The following ZNF778 variants were observed in gnomAD, a reference collection of about 807,000 sequenced individuals.
The protein encoded by ZNF778 is zinc finger protein 778.
ZNF778 carries 37 observed loss-of-function variants against 23.9 expected under a neutral mutation model. The observed-to-expected ratio is 1.54, with a 90% confidence interval of 1.19 to 2.03. ZNF778 has a LOEUF of 2.03. Ranked by LOEUF, ZNF778 falls within the 30% of genes most tolerant of loss-of-function variation. The probability of loss-of-function intolerance (pLI) is 0.00; values close to 1 mark genes in which losing one functional copy is unlikely to be tolerated. For synonymous variants in ZNF778, 483 were observed against 343.9 expected (o/e 1.40, Z -4.48); for missense variants, 1,297 against 934.4 (o/e 1.39, Z -5.06).
At position 89,227,431 on chromosome 16, in the gene ZNF778, T is replaced by A; in HGVS notation, c.1143T>A (p.Asn381Lys). ...CCTGCGGTGGGTTTTATCTACTGAA[T>A]GAGCATGGAAAAACTCACACGAGGG... ...GKACGGFYLL[N>K]EHGKTHTREK... The change falls in exon 7 of 7, where the codon AAT (asparagine) becomes AAA (lysine). Residue 381 changes from asparagine (N) to lysine (K), a missense_variant. Asn to Lys is a moderately conservative substitution (Grantham distance 94). Transcript: ENST00000433976. The A allele has an allele frequency of 3.1e-6, 5 of 1,613,914 alleles. No individual in the cohort carries two copies. Among genetic ancestry groups the A allele is most frequent in the Non-Finnish European group, 4.2e-6 (5 of 1,179,874 alleles).
Position 89,234,271 on chromosome 16 carries a change from C to G in ZNF778, c.*5709C>G, listed in dbSNP as rs761130836. 10 of 350,640 alleles carry G rather than the reference C, an allele frequency of 2.9e-5. No individual in the cohort carries two copies. The highest frequency in any genetic ancestry group is 4.5e-5 in the Non-Finnish European group (8 of 177,586). 21.7% of individuals were successfully genotyped at this position (350,640 alleles called of 1,614,324 possible). On this transcript the variant is annotated 3_prime_UTR_variant, in exon 7 of 7. Coordinates refer to ENST00000433976, the MANE Select transcript of ZNF778 (RefSeq NM_001201407.2). ...CAAGGTCTTACCCAGCCCAGGGATT[C>G]TTGAACTATCTGTAGGAACTGCCAT...
At chr16:89,224,038 G>A (rs934486248) in intron 4 of ZNF778, among the ~76,000 whole-genome samples, 3 of 151,786 alleles carry the variant, frequency 2.0e-5, no homozygotes, top group East Asian at 1.9e-4. Flanking sequence ...GAGGCCAGGC[G>A]CAGTGGCTTA....
rs201224322 is a variant in ZNF778 at position 89,228,374 on chromosome 16, A to C, written c.2086A>C (p.Thr696Pro). The C allele has an allele frequency of 1.2e-6, 2 of 1,613,642 alleles. No individual in the cohort carries two copies. The highest frequency in any genetic ancestry group is 1.7e-5 in the Admixed American group (1 of 59,926). ...SHLHKHGRIH[T>P]GQKPYKCKEC... Reference sequence around the variant, plus strand: ...CCTGCATAAACATGGAAGAATTCACACTGGGCAGAAACCCTATAAATGTAA... The same window carrying C: ...CCTGCATAAACATGGAAGAATTCACCCTGGGCAGAAACCCTATAAATGTAA... The change falls in exon 7 of 7, where the codon ACT (threonine) becomes CCT (proline). Residue 696 changes from threonine (T) to proline (P), a missense_variant. By Grantham distance (38) the Thr-to-Pro change is conservative. Transcript: ENST00000433976.
rs1489978083 is a variant in ZNF778 at position 89,229,143 on chromosome 16, A to C, written c.*581A>C. 8 of 986,012 alleles carry C rather than the reference A, an allele frequency of 8.1e-6. No homozygotes were observed. The highest frequency in any genetic ancestry group is 9.6e-6 in the Non-Finnish European group (8 of 830,500). 61.1% of individuals were successfully genotyped at this position (986,012 alleles called of 1,614,324 possible). A position where few individuals can be genotyped will look rare whatever the true frequency, so the allele number is the denominator to read the frequency against. The stretch of plus-strand genomic sequence containing the variant: ...AGAAATCCTCCAGTCTGGTTGCTAC[A>C]GTGTCCACGTCGCAGCCTGGCTAAC... On this transcript the variant is annotated 3_prime_UTR_variant, in exon 7 of 7. Coordinates refer to ENST00000433976, the MANE Select transcript of ZNF778 (RefSeq NM_001201407.2).
Position 89,233,925 on chromosome 16 carries a change from G to T in ZNF778, c.*5363G>T. The T allele has an allele frequency of 7.8e-7, 1 of 1,288,954 alleles. No individual in the cohort carries two copies. Among genetic ancestry groups the T allele is most frequent in the Non-Finnish European group, 1.0e-6 (1 of 988,430 alleles). The allele number at this position is 1,288,954 out of a possible 1,614,324, so 79.8% of individuals were successfully genotyped here. A position where few individuals can be genotyped will look rare whatever the true frequency, so the allele number is the denominator to read the frequency against. ...CCCAGGATGAGGCACTAGACAGCAG[G>T]ACATGCTGTATGCCCTTGGGCCTGC... On this transcript the variant is annotated 3_prime_UTR_variant, in exon 7 of 7. Transcript: ENST00000433976.
intron 2 of ZNF778, 82 bp downstream of exon 2, chr16:89,221,234 C>T: frequency 6.8e-7 from 1 of 1,477,452 alleles, no homozygotes; most frequent in Non-Finnish European, 9.2e-7. Flanking sequence ...ATGGACGGGG[C>T]CTGAGTAGTC....
rs1268923892 is a variant in ZNF778 at position 89,235,958 on chromosome 16, A to G, written c.*7396A>G. 2 of 150,340 alleles carry G rather than the reference A, an allele frequency of 1.3e-5. No individual in the cohort carries two copies. Among genetic ancestry groups the G allele is most frequent in the Admixed American group, 6.7e-5 (1 of 15,014 alleles). 9.3% of individuals were successfully genotyped at this position (150,340 alleles called of 1,614,324 possible). On this transcript the variant is annotated 3_prime_UTR_variant, in exon 7 of 7. Transcript: ENST00000433976. ...CGGATCACAAGGTCAGGAGATCATG[A>G]CCATCCTGGCCAACACAGTGAAACC...
At chr16:89,222,616 G>T (rs1232940684) in intron 3 of ZNF778, among the ~76,000 whole-genome samples, 1 of 152,190 alleles carries the variant, frequency 6.6e-6, no homozygotes, top group African/African-American at 2.4e-5. Context: ...CACCCGCTTT[G>T]GCCTCCCAAA....
At position 89,228,776 on chromosome 16, in the gene ZNF778, T is replaced by A; in HGVS notation, c.*214T>A. On this transcript the variant is annotated 3_prime_UTR_variant, in exon 7 of 7. Coordinates refer to ENST00000433976, the MANE Select transcript of ZNF778 (RefSeq NM_001201407.2). ...AAGGTCTTGCTGAATATGGATGGTA[T>A]CCAGTAGAGAGAACTCTATTGATGT... 2 of 1,356,592 alleles carry A rather than the reference T, an allele frequency of 1.5e-6. No individual in the cohort carries two copies. Among genetic ancestry groups the A allele is most frequent in the Non-Finnish European group, 1.9e-6 (2 of 1,058,380 alleles). The allele number at this position is 1,356,592 out of a possible 1,614,324, so 84.0% of individuals were successfully genotyped here. A position where few individuals can be genotyped will look rare whatever the true frequency, so the allele number is the denominator to read the frequency against.
Position 89,227,695 on chromosome 16 carries a change from G to T in ZNF778, c.1407G>T (p.Arg469Ser). The change falls in exon 7 of 7, where the codon AGG (arginine) becomes AGT (serine). Residue 469 changes from arginine to serine, a missense_variant. Physicochemically the swap from Arg to Ser is moderately radical, Grantham distance 110. Transcript: ENST00000433976. Reference sequence around the variant, plus strand: ...CCTCGGGCCTTACTGAGCATGTAAGGACTCACACTGGAGAGAAACCATATG... The same window carrying T: ...CCTCGGGCCTTACTGAGCATGTAAGTACTCACACTGGAGAGAAACCATATG... ...CTSSGLTEHV[R>S]THTGEKPYEC... is the part of the protein sequence containing the mutation. 6.2e-7 allele frequency: 1 copy of T among 1,614,122 alleles called. No individual in the cohort carries two copies.
At chr16:89,225,736 C>A in intron 6 of ZNF778, 105 bp downstream of exon 6, 1 of 1,061,692 alleles carries the variant, frequency 9.4e-7, no homozygotes, top group South Asian at 1.4e-5. Context: ...AAGCAGGATT[C>A]ACTCAGGCAG....
chr16:89,223,570 C>G (rs918346294), intron 4 of ZNF778, among the ~76,000 whole-genome samples: 4 of 152,144 alleles, frequency 2.6e-5, no homozygotes, highest in African/African-American at 9.7e-5. Flanking sequence ...AACAAGCCCT[C>G]CCGACGATGC....
rs369672877 is a variant in ZNF778, at chr16:89,227,059, G to A, written c.771G>A (p.Pro257=). The A allele has an allele frequency of 8.2e-5, 132 of 1,613,860 alleles. No individual in the cohort carries two copies. The highest frequency in any genetic ancestry group is 9.8e-5 in the Non-Finnish European group (116 of 1,179,908). Residue 257 remains proline, a synonymous_variant, in exon 7 of 7, where the codon CCG becomes CCA. Coordinates refer to ENST00000433976, the MANE Select transcript of ZNF778 (RefSeq NM_001201407.2). The part of the protein sequence containing the change: ...HNGEETWKWK[P]CGKALTHSMG... ...GAGAAGAAACATGGAAATGGAAGCC[G>A]TGTGGGAAAGCTCTAACTCACTCCA...
Position 89,232,559 on chromosome 16 carries a change from T to C in ZNF778, c.*3997T>C, listed in dbSNP as rs995327185. The C allele has an allele frequency of 9.0e-7, 1 of 1,108,160 alleles. No individual in the cohort carries two copies. The highest frequency in any genetic ancestry group is 1.2e-6 in the Non-Finnish European group (1 of 869,106). The allele number at this position is 1,108,160 out of a possible 1,614,324, so 68.6% of individuals were successfully genotyped here. A position where few individuals can be genotyped will look rare whatever the true frequency, so the allele number is the denominator to read the frequency against. On this transcript the variant is annotated 3_prime_UTR_variant, in exon 7 of 7. Transcript: ENST00000433976. ...GTGTCACTTAGGGCAACTTATGCCC[T>C]CCTGTGTGAAAATCTCCACTCCCAA... is the stretch of plus-strand genomic sequence containing the variant.
intron 5 of ZNF778, 55 bp from the exon 6 acceptor site, chr16:89,225,500 G>T: frequency 1.4e-6 from 2 of 1,397,526 alleles, no homozygotes; most frequent in Non-Finnish European, 9.9e-7. Context: ...TGTCTTATAT[G>T]AAAACAAATA....
In ZNF778 at chr16:89,233,831, T is replaced by C. The variant is rs1015313834; in HGVS notation, c.*5269T>C. On this transcript the variant is annotated 3_prime_UTR_variant, in exon 7 of 7. Transcript: ENST00000433976. ...GCGTATGCAACTCAACTGTTGCAAG[T>C]ACTTATTTCCGGCCACTTCCTTTTT... 7 of 1,289,772 alleles carry C rather than the reference T, an allele frequency of 5.4e-6. No homozygotes were observed. The Admixed American group carries it at 1.1e-4, about 21-fold the overall frequency. 79.9% of individuals were successfully genotyped at this position (1,289,772 alleles called of 1,614,324 possible). A position where few individuals can be genotyped will look rare whatever the true frequency, so the allele number is the denominator to read the frequency against.
chr16:89,232,636 A>C lies in ZNF778; in HGVS notation c.*4074A>C. On this transcript the variant is annotated 3_prime_UTR_variant, in exon 7 of 7. Coordinates refer to ENST00000433976, the MANE Select transcript of ZNF778 (RefSeq NM_001201407.2). ...AAAATATTAAAGGACCAATTGTATT[A>C]ATTATGTTTTTTTTTTTTTTGTTAG... 1.8e-6 allele frequency: 2 copies of C among 1,087,740 alleles called. No homozygotes were observed. Among genetic ancestry groups the C allele is most frequent in the East Asian group, 1.5e-4 (2 of 13,474 alleles). The allele number at this position is 1,087,740 out of a possible 1,614,324, so 67.4% of individuals were successfully genotyped here.
At chr16:89,220,062 A>T (rs1361298523) in intron 1 of ZNF778, among the ~76,000 whole-genome samples, 1 of 152,208 alleles carries the variant, frequency 6.6e-6, no homozygotes, top group African/African-American at 2.4e-5. Context: ...GTGCAGTCTG[A>T]GGGTCAGGTC....
intron 3 of ZNF778, 100 bp from the exon 4 acceptor site, chr16:89,223,057 G>T (rs1186775107): frequency 1.7e-5 from 24 of 1,398,596 alleles, no homozygotes; most frequent in Non-Finnish European, 2.3e-5. Context: ...GACAGTAGGA[G>T]GCCTCACAGT....
Sources: gnomAD v4.1 joint callset for allele counts (sites outside exome capture counted in the v4.1 genomes callset) on GRCh38, gnomAD v4.1.1 for gene constraint, MANE v1.5 for transcripts, NCBI Gene and HGNC (gene_info 2026-07-23, HGNC 2026-07-21) for gene names.